Variants in GYPB observed in about 807,000 individuals in gnomAD.
GYPB encodes the protein glycophorin-B.
GYPB carries 13 observed loss-of-function variants against 15.3 expected under a neutral mutation model. That is an observed-to-expected ratio of 0.85 (90% CI 0.55 to 1.35). The LOEUF (loss-of-function observed/expected upper bound fraction) is 1.35, where lower values mean the gene tolerates loss of function less well. Ranked by LOEUF, GYPB falls within the 40% of genes most tolerant of loss-of-function variation. The pLI is 0.00. For synonymous variants in GYPB, 38 were observed against 36.9 expected, an observed-to-expected ratio of 1.03 and a Z score of -0.11; for missense variants, 131 against 108.3, an observed-to-expected ratio of 1.21 and a Z score of -0.93.
chr4:144,011,218 G>A (rs868475375), intron 1 of GYPB, among the ~76,000 whole-genome samples: 1,961 of 151,102 alleles, frequency 0.013, 126 homozygotes, highest in African/African-American at 0.045. Flanking sequence ...CGTGTCTACT[G>A]AAATACAAAA....
At chr4:144,012,684 C>T (rs1560714386) in intron 1 of GYPB, 1 of 151,528 alleles carries the variant, frequency 6.6e-6, no homozygotes, top group African/African-American at 2.5e-5. Flanking sequence ...GGCCAATTAA[C>T]TTTCAAGAAG....
chr4:144,013,804 G>C (rs1171208889), intron 1 of GYPB, among the ~76,000 whole-genome samples: 1 of 150,974 alleles, frequency 6.6e-6, no homozygotes, highest in Non-Finnish European at 1.5e-5. Flanking sequence ...ATAGCATCGG[G>C]AGATATACCT....
rs539469684 is a variant in GYPB, at chr4:144,014,400, C to A, written c.37+4851G>T. ...GTGATATACCAACCCAAATTTTCAT[C>A]AAATGATGGATGGATAAACAAAATG... On this transcript the variant is annotated intron_variant, in intron 1 of 4. Transcript: ENST00000502664. Among the ~76,000 whole-genome samples, 230 of 151,828 alleles carry A rather than the reference C, an allele frequency of 1.5e-3. 1 individual carries two copies. The highest frequency in any genetic ancestry group is 2.5e-4 in the Non-Finnish European group (17 of 68,030).
At chr4:144,007,937 T>C (rs1334363387) in intron 1 of GYPB, among the ~76,000 whole-genome samples, 4 of 151,598 alleles carry the variant, frequency 2.6e-5, no homozygotes, top group East Asian at 1.9e-4. Context: ...CATGCCTGGC[T>C]TAGAATGGAT....
At chr4:143,995,512 T>C (rs1439511926), downstream of GYPB, among the ~76,000 whole-genome samples, 4 of 151,312 alleles carry the variant, frequency 2.6e-5, no homozygotes, top group East Asian at 1.9e-4. Context: ...TCCTTTGGTT[T>C]AACCTGTCCT....
At chr4:144,013,925 AAAT>A (rs200360407) in intron 1 of GYPB, among the ~76,000 whole-genome samples, 1,851 of 151,148 alleles carry the variant, frequency 0.012, 133 homozygotes, top group African/African-American at 0.043. Context: ...AGTAAAAAAA[AAAT>A]AATGGGTGAA....
downstream of GYPB, chr4:143,995,985 T>G: frequency 2.6e-6 from 1 of 388,892 alleles, no homozygotes. Flanking sequence ...ATTCCCCTTC[T>G]GCATGTTCTC....
chr4:144,008,665 A>T (rs1353047151), intron 1 of GYPB, among the ~76,000 whole-genome samples: 2 of 151,532 alleles, frequency 1.3e-5, no homozygotes, highest in African/African-American at 4.9e-5. Context: ...ACACACATTA[A>T]ATTTGGGCTT....
intron 2 of GYPB, among the ~76,000 whole-genome samples, chr4:144,000,894 C>T (rs1011415110): frequency 2.6e-5 from 4 of 151,216 alleles, no homozygotes; most frequent in African/African-American, 4.9e-5. Flanking sequence ...TCCGCACCAC[C>T]GCACTATTAG....
chr4:144,011,003 A>T (rs1233790137), intron 1 of GYPB, among the ~76,000 whole-genome samples: 1 of 151,594 alleles, frequency 6.6e-6, no homozygotes, highest in African/African-American at 2.4e-5. Flanking sequence ...CAGAAATAAG[A>T]TACTAAATGT....
At chr4:144,018,201 T>C (rs1048508993) in intron 1 of GYPB, among the ~76,000 whole-genome samples, 6 of 151,482 alleles carry the variant, frequency 4.0e-5, no homozygotes, top group Non-Finnish European at 8.8e-5. Context: ...CAACATTGCC[T>C]GCATTTTAAA....
intron 3 of GYPB, among the ~76,000 whole-genome samples, chr4:143,998,406 T>G (rs1727435736): frequency 6.6e-6 from 1 of 151,432 alleles, no homozygotes; most frequent in South Asian, 2.1e-4. Context: ...CTAATTAATA[T>G]TTAAATTATT....
At chr4:143,996,356 C>G (rs1200497060) in intron 4 of GYPB, 52 bp from the exon 5 acceptor site, 5 of 1,549,968 alleles carry the variant, frequency 3.2e-6, no homozygotes, top group Non-Finnish European at 4.4e-6. Context: ...TGACCATGAG[C>G]TAAGACTCCA....
chr4:144,008,920 T>C (rs183193755), intron 1 of GYPB, among the ~76,000 whole-genome samples: 1 of 151,572 alleles, frequency 6.6e-6, no homozygotes, highest in African/African-American at 2.4e-5. Context: ...TATGTAAACT[T>C]CATCTTCCTG....
At chr4:144,017,577 G>A (rs9308174) in intron 1 of GYPB, among the ~76,000 whole-genome samples, 129,825 of 150,574 alleles carry the variant, frequency 0.86, 59,287 homozygotes, top group Non-Finnish European at 0.99. Flanking sequence ...TGCCATTTAA[G>A]GCTTTAATTC....
chr4:144,018,054 C>T (rs60219144), intron 1 of GYPB, among the ~76,000 whole-genome samples: 1,965 of 151,214 alleles, frequency 0.013, 142 homozygotes, highest in African/African-American at 0.045. Flanking sequence ...ATTATTAATA[C>T]TTATTAATCA....
intron 1 of GYPB, chr4:144,012,857 A>G (rs1278511229): frequency 6.6e-6 from 1 of 151,778 alleles, no homozygotes; most frequent in African/African-American, 2.4e-5. Flanking sequence ...AAACTCTTAG[A>G]AGAAAACATA....
chr4:144,018,832 G>C (rs1308785187), intron 1 of GYPB, among the ~76,000 whole-genome samples: 1 of 150,550 alleles, frequency 6.6e-6, no homozygotes, highest in Non-Finnish European at 1.5e-5. Flanking sequence ...TCACCATTTG[G>C]CAGAAATAGG....
At chr4:144,017,311 G>C (rs1220067459) in intron 1 of GYPB, among the ~76,000 whole-genome samples, 1 of 145,444 alleles carries the variant, frequency 6.9e-6, no homozygotes, top group Middle Eastern at 3.5e-3. Context: ...CCTGGAGAAA[G>C]CAAGGCAATC....
Sources: allele counts gnomAD v4.1 joint callset (sites outside exome capture counted in the v4.1 genomes callset), GRCh38; gene constraint gnomAD v4.1.1; transcripts MANE v1.5; gene names NCBI Gene and HGNC (gene_info 2026-07-23, HGNC 2026-07-21).